Variants in EIF5B observed in about 807,000 individuals in gnomAD.
EIF5B encodes the protein eIF-5B.
In EIF5B, 47 loss-of-function variants were observed where a neutral mutation model predicts 147.5. The observed-to-expected ratio is 0.32, with a 90% CI of 0.25 to 0.41. The LOEUF (loss-of-function observed/expected upper bound fraction) is 0.41. EIF5B is among the 10% of genes least tolerant of loss of function. EIF5B has a pLI of 1.00. For missense variants in EIF5B, 1,064 were observed against 1,413.2 expected, an observed-to-expected ratio of 0.75 and a Z score of 3.96; for synonymous variants, 455 against 456.2, an observed-to-expected ratio of 1.00 and a Z score of 0.03.
chr2:99,353,041 G>C (rs1201178433), intron 1 of EIF5B, among the ~76,000 whole-genome samples: 2 of 69,462 alleles, frequency 2.9e-5, no homozygotes, highest in Non-Finnish European at 5.7e-5. Flanking sequence ...TTGAGACGGA[G>C]TCTCACTCTG....
intron 1 of EIF5B, among the ~76,000 whole-genome samples, chr2:99,358,694 T>C (rs1310358705): frequency 6.6e-6 from 1 of 152,194 alleles, no homozygotes; most frequent in African/African-American, 2.4e-5. Context: ...TCTTGAGGCA[T>C]AACACACCTT....
chr2:99,344,442 GT>G (rs70940168), intron 1 of EIF5B, among the ~76,000 whole-genome samples: 56,205 of 139,018 alleles, frequency 0.4, 11,305 homozygotes, highest in East Asian at 0.63. Context: ...TTGTTTCTGG[GT>G]TTTTTTTTTT....
In EIF5B at chr2:99,376,492, T is replaced by A; in HGVS notation, c.1698T>A (p.Asp566Glu). 1 of 1,613,206 alleles carries A rather than the reference T, an allele frequency of 6.2e-7. No homozygotes were observed. Among genetic ancestry groups the A allele is most frequent in the Non-Finnish European group, 8.5e-7 (1 of 1,179,558 alleles). Residue 566 changes from aspartate (D) to glutamate (E), a missense_variant, in exon 10 of 24, where the codon GAT (aspartate) becomes GAA (glutamate). Around this residue, in one of 4 missense-constraint regions of EIF5B, gnomAD observed 195 missense variants for 186.3 expected, o/e 1.05. Transcript: ENST00000289371. ...AAGGCAGTGAAGGTGATGAGGAAGA[T>A]GAAAAGGTGTCAGATGAGAAGGATT... ...ESEGSEGDEE[D>E]EKVSDEKDSG...
chr2:99,353,272 C>CA (rs777691069), intron 1 of EIF5B, among the ~76,000 whole-genome samples: 1 of 152,148 alleles, frequency 6.6e-6, no homozygotes, highest in Non-Finnish European at 1.5e-5. Context: ...CTCGGCCTCC[C>CA]AAAGTGCTGG....
At chr2:99,393,165 A>G (rs918374556) in intron 18 of EIF5B, 67 bp downstream of exon 18, 21 of 1,353,328 alleles carry the variant, frequency 1.6e-5, no homozygotes, top group Middle Eastern at 2.3e-4. Context: ...AGCATTGCAC[A>G]TGCTAGGGAT....
At chr2:99,389,961 C>A (rs947433703) in intron 15 of EIF5B, 112 bp downstream of exon 15, 21 of 1,381,958 alleles carry the variant, frequency 1.5e-5, no homozygotes, top group Admixed American at 9.6e-5. Context: ...CTGTTGACAG[C>A]AATTACTTTT....
In EIF5B at chr2:99,389,752, ACT is replaced by A; in HGVS notation, c.2309_2310del (p.Ser770Ter). 1 of 1,611,660 alleles carries A rather than the reference ACT, an allele frequency of 6.2e-7. No individual in the cohort carries two copies. The highest frequency in any genetic ancestry group is 8.5e-7 in the Non-Finnish European group (1 of 1,179,498). Reference sequence around the variant, plus strand: ...TTATATGATTGGAAAAAGAGTCCTGACTCTGATGTGGCTGCTACTTTAAAGAA... The same window carrying A: ...TTATATGATTGGAAAAAGAGTCCTGACTGATGTGGCTGCTACTTTAAAGAA... On this transcript the variant is annotated frameshift_variant, in exon 15 of 24. Transcript: ENST00000289371. LOFTEE classifies it high-confidence loss of function.
intron 9 of EIF5B, among the ~76,000 whole-genome samples, chr2:99,375,728 G>A (rs892974617): frequency 7.2e-5 from 11 of 152,086 alleles, no homozygotes; most frequent in Non-Finnish European, 1.2e-4. Flanking sequence ...GACAGATTTC[G>A]TTTTAGCATA....
chr2:99,350,041 T>C (rs1238013583), intron 1 of EIF5B, among the ~76,000 whole-genome samples: 1 of 152,208 alleles, frequency 6.6e-6, no homozygotes, highest in African/African-American at 2.4e-5. Flanking sequence ...GATCATGCAG[T>C]ATTTGTCTTT....
chr2:99,349,011 C>T (rs547919246), intron 1 of EIF5B, among the ~76,000 whole-genome samples: 1 of 152,318 alleles, frequency 6.6e-6, no homozygotes, highest in Admixed American at 6.5e-5. Flanking sequence ...TCAGCTGGAG[C>T]ATCTCTATTT....
chr2:99,394,942 T>C (rs1180871324), intron 21 of EIF5B, 59 bp downstream of exon 21: 3 of 1,446,838 alleles, frequency 2.1e-6, no homozygotes, highest in Non-Finnish European at 2.8e-6. Context: ...TGAGAATTAC[T>C]GAATTCCAGA....
chr2:99,339,202 G>A (rs929000017), intron 1 of EIF5B, among the ~76,000 whole-genome samples: 1 of 151,226 alleles, frequency 6.6e-6, no homozygotes, highest in Non-Finnish European at 1.5e-5. Flanking sequence ...TAGTAGAGAC[G>A]GGGTTACTCC....
In EIF5B at chr2:99,337,544, A is replaced by G. The variant is rs773396879; in HGVS notation, c.-11A>G. 5 of 1,612,550 alleles carry G rather than the reference A, an allele frequency of 3.1e-6. No homozygotes were observed. Among genetic ancestry groups the G allele is most frequent in the South Asian group, 1.1e-5 (1 of 90,970 alleles). On this transcript the variant is annotated 5_prime_UTR_variant, in exon 1 of 24. Coordinates refer to ENST00000289371, the MANE Select transcript of EIF5B (RefSeq NM_015904.4). ...TAGAGGGGCTGGGGCCACGAGCGCC[A>G]TTGACAAGCAATGGGGAAGAAACAG...
intron 6 of EIF5B, among the ~76,000 whole-genome samples, chr2:99,366,668 G>A (rs1012890187): frequency 1.3e-5 from 2 of 152,146 alleles, no homozygotes; most frequent in African/African-American, 4.8e-5. Flanking sequence ...CAGTAATCCA[G>A]TAATCTGTAG....
intron 3 of EIF5B, 102 bp from the exon 4 acceptor site, chr2:99,361,046 A>C: frequency 8.9e-7 from 1 of 1,129,200 alleles, no homozygotes; most frequent in Non-Finnish European, 1.2e-6. Flanking sequence ...AAAGATTTTG[A>C]AATCATTTTG....
At chr2:99,369,826 A>C (rs1449674994) in intron 8 of EIF5B, among the ~76,000 whole-genome samples, 1 of 152,116 alleles carries the variant, frequency 6.6e-6, no homozygotes, top group Non-Finnish European at 1.5e-5. Context: ...AATACAAAAA[A>C]TTAGCCGGGG....
intron 1 of EIF5B, among the ~76,000 whole-genome samples, chr2:99,353,921 A>G (rs955926173): frequency 4.6e-5 from 7 of 152,172 alleles, no homozygotes; most frequent in South Asian, 2.1e-4. Flanking sequence ...TGTCTATTCA[A>G]CCATTCACCT....
chr2:99,393,506 A>C (rs563153604), intron 18 of EIF5B, among the ~76,000 whole-genome samples: 3 of 152,208 alleles, frequency 2.0e-5, no homozygotes, highest in Admixed American at 6.5e-5. Flanking sequence ...CCTGTCTAAA[A>C]AAAAAAAAGC....
At chr2:99,365,630 G>T (rs1376135438) in intron 6 of EIF5B, among the ~76,000 whole-genome samples, 1 of 152,012 alleles carries the variant, frequency 6.6e-6, no homozygotes, top group South Asian at 2.1e-4. Context: ...GTTTTAAGGA[G>T]CAGTTAGACT....
Sources: gnomAD v4.1 joint callset for allele counts (sites outside exome capture counted in the v4.1 genomes callset) on GRCh38, gnomAD v4.1.1 for gene constraint, gnomAD v4.1.1 regional missense constraint, MANE v1.5 for transcripts, NCBI Gene and HGNC (gene_info 2026-07-23, HGNC 2026-07-21) for gene names.